EPB41L4B: variants seen among roughly 807,000 people sequenced by gnomAD.
EPB41L4B encodes band 4.1-like protein 4B.
Under a neutral mutation model 112.5 loss-of-function variants are expected in EPB41L4B, and 30 were observed. The observed-to-expected ratio is 0.27, with a 90% CI of 0.20 to 0.36. EPB41L4B has a LOEUF of 0.36. Among genes scored for constraint, EPB41L4B ranks in the 10% least tolerant of loss-of-function variants. The probability of loss-of-function intolerance (pLI) is 1.00; values close to 1 mark genes in which losing one functional copy is unlikely to be tolerated. For missense variants in EPB41L4B, 1,024 were observed against 1,133.3 expected (o/e 0.90, Z 1.38); for synonymous variants, 408 against 439.7 (o/e 0.93, Z 0.90).
At chr9:109,209,820 T>C (rs1564267267) in intron 17 of EPB41L4B, among the ~76,000 whole-genome samples, 3 of 152,098 alleles carry the variant, frequency 2.0e-5, no homozygotes, top group Admixed American at 2.0e-4. Flanking sequence ...CCCCAGTTTA[T>C]AGATACAAAA....
At chr9:109,174,912 G>GTTTTTTT (rs35440007) in intron 25 of EPB41L4B, among the ~76,000 whole-genome samples, 1 of 74,556 alleles carries the variant, frequency 1.3e-5, no homozygotes, top group Non-Finnish European at 2.4e-5. Context: ...TCAGTAAAGT[G>GTTTTTTT]TTTTTTTTTT....
In EPB41L4B at chr9:109,203,706, C is replaced by A. The variant is rs1344996629; in HGVS notation, c.1903G>T (p.Val635Leu). The part of the protein sequence containing the change: ...IQGGKEESPF[V>L]NINKKSSLQD... ...AGACTGGATTTCTTATTGATATTTA[C>A]AAACGGTGATTCCTCCTTTCCACCC... Residue 635 changes from valine to leucine, a missense_variant, in exon 19 of 26, where the codon GTA becomes TTA. Coordinates refer to ENST00000374566, the MANE Select transcript of EPB41L4B (RefSeq NM_019114.5). 1.2e-6 allele frequency: 2 copies of A among 1,613,950 alleles called. No homozygotes were observed. Among genetic ancestry groups the A allele is most frequent in the African/African-American group, 2.7e-5 (2 of 74,922 alleles).
At chr9:109,222,207 G>A (rs1383348432) in intron 15 of EPB41L4B, among the ~76,000 whole-genome samples, 1 of 152,112 alleles carries the variant, frequency 6.6e-6, no homozygotes, top group Non-Finnish European at 1.5e-5. Flanking sequence ...TTGGAGAGAG[G>A]CAGAGAAAGA....
intron 25 of EPB41L4B, 40 bp from the exon 26 acceptor site, chr9:109,174,663 C>A: frequency 1.9e-6 from 3 of 1,572,106 alleles, no homozygotes; most frequent in South Asian, 2.2e-5. Context: ...GACAATCCCT[C>A]AAAAATTGCA....
At chr9:109,307,787 C>T (rs954457655) in intron 1 of EPB41L4B, among the ~76,000 whole-genome samples, 1 of 152,280 alleles carries the variant, frequency 6.6e-6, no homozygotes. Flanking sequence ...AAAGCCCCAG[C>T]TCTCATGTGC....
At chr9:109,222,428 C>T (rs1238023854) in intron 15 of EPB41L4B, among the ~76,000 whole-genome samples, 2 of 152,158 alleles carry the variant, frequency 1.3e-5, no homozygotes, top group Admixed American at 1.3e-4. Flanking sequence ...ATGGATTGTG[C>T]CCTGCGGAAC....
Position 109,184,797 on chromosome 9 carries a change from A to T in EPB41L4B, c.2418+692T>A, listed in dbSNP as rs530963756. ...GCAAAAAGCTATATGTGTTCTCCCA[A>T]ATAATGACAAACTGCGAACAAAGCG... On this transcript the variant is annotated intron_variant, in intron 23 of 25. Transcript: ENST00000374566. Among the ~76,000 whole-genome samples the T allele has an allele frequency of 4.6e-5, 7 of 152,360 alleles. No individual in the cohort carries two copies. In the South Asian group the frequency reaches 1.2e-3, roughly 27 times the overall value.
At chr9:109,268,476 C>G (rs758727074) in intron 2 of EPB41L4B, 43 bp from the exon 3 acceptor site, 8 of 1,561,936 alleles carry the variant, frequency 5.1e-6, no homozygotes, top group Non-Finnish European at 7.0e-6. Context: ...AGTTCATCAG[C>G]AAGGTTATTC....
intron 2 of EPB41L4B, among the ~76,000 whole-genome samples, chr9:109,276,566 T>C (rs1000537693): frequency 6.6e-6 from 1 of 152,148 alleles, no homozygotes; most frequent in Non-Finnish European, 1.5e-5. Flanking sequence ...TGTTTTTGCC[T>C]CAAATTTGTA....
At position 109,268,402 on chromosome 9, in the gene EPB41L4B, T is replaced by G; in HGVS notation, c.443A>C (p.Lys148Thr). Residue 148 changes from lysine to threonine, a missense_variant, in exon 3 of 26, where the codon AAG (lysine) becomes ACG (threonine). Physicochemically the swap from Lys to Thr is moderately conservative, Grantham distance 78. Transcript: ENST00000374566. ...TTCTGCTTACTTACTTTTCATCTGC[T>G]TTTTTATGGGTTTGGCATGATCCAG... ...HWLDHAKPIK[K>T]QMKIGPAYAL... The G allele has an allele frequency of 3.1e-6, 5 of 1,610,796 alleles. No individual in the cohort carries two copies. In the South Asian group the frequency reaches 4.5e-5, roughly 14 times the overall value.
At chr9:109,286,575 T>G (rs1836291051) in intron 1 of EPB41L4B, among the ~76,000 whole-genome samples, 1 of 152,018 alleles carries the variant, frequency 6.6e-6, no homozygotes, top group African/African-American at 2.4e-5. Flanking sequence ...GTTACCCAGG[T>G]CTCCCTCTCT....
chr9:109,285,315 A>G lies in EPB41L4B; in HGVS notation c.307-5394T>C, dbSNP rs140182622. On this transcript the variant is annotated intron_variant, in intron 1 of 25. Transcript: ENST00000374566. ...ATGTTTCTAAAATGGCTCTTAGTGT[A>G]GAAGGGGCTCGAGGTGGAGGTTGGG... Among the ~76,000 whole-genome samples, 439 of 152,318 alleles carry G rather than the reference A, an allele frequency of 2.9e-3. 19 individuals are homozygous for G. The East Asian group carries it at 0.049, about 17-fold the overall frequency.
At chr9:109,210,602 G>A (rs936311353) in intron 17 of EPB41L4B, among the ~76,000 whole-genome samples, 1 of 152,174 alleles carries the variant, frequency 6.6e-6, no homozygotes, top group Admixed American at 6.5e-5. Flanking sequence ...AAGCTGGCTT[G>A]TTCTTGTTCA....
At chr9:109,312,272 T>C (rs1208852303) in intron 1 of EPB41L4B, among the ~76,000 whole-genome samples, 2 of 152,114 alleles carry the variant, frequency 1.3e-5, no homozygotes, top group African/African-American at 4.8e-5. Flanking sequence ...TATGAAAATG[T>C]TTTTCTTTGA....
chr9:109,222,612 A>G (rs760083146), intron 15 of EPB41L4B, among the ~76,000 whole-genome samples: 7 of 152,186 alleles, frequency 4.6e-5, no homozygotes, highest in Non-Finnish European at 8.8e-5. Context: ...ATCACCAGAG[A>G]CTGAGGTTCA....
intron 19 of EPB41L4B, among the ~76,000 whole-genome samples, chr9:109,202,810 C>T (rs1424570796): frequency 6.6e-5 from 10 of 152,216 alleles, no homozygotes; most frequent in East Asian, 5.8e-4. Flanking sequence ...ACTTCACTAC[C>T]GTGCAATCTA....
At chr9:109,301,546 T>C (rs1388936889) in intron 1 of EPB41L4B, among the ~76,000 whole-genome samples, 3 of 152,180 alleles carry the variant, frequency 2.0e-5, no homozygotes, top group African/African-American at 7.2e-5. Context: ...GCAACAGTTA[T>C]TCTCATTTGT....
Position 109,273,399 on chromosome 9 carries a change from A to T in EPB41L4B, c.412-4966T>A, listed in dbSNP as rs192058450. On this transcript the variant is annotated intron_variant, in intron 2 of 25. Transcript: ENST00000374566. The stretch of plus-strand genomic sequence containing the variant: ...GTAGCTGGGGTTACAGGCATGTGCC[A>T]CCACGCCTGGCTAATTTTTATATTT... Among the ~76,000 whole-genome samples, 6 of 152,236 alleles carry T rather than the reference A, an allele frequency of 3.9e-5. No homozygotes were observed. In the East Asian group the frequency reaches 1.2e-3, roughly 29 times the overall value.
In EPB41L4B at chr9:109,176,605, A is replaced by G; in HGVS notation, c.2579T>C (p.Val860Ala). The G allele has an allele frequency of 1.2e-6, 2 of 1,613,922 alleles. No homozygotes were observed. Among genetic ancestry groups the G allele is most frequent in the African/African-American group, 1.3e-5 (1 of 74,980 alleles). Residue 860 changes from valine to alanine, a missense_variant, in exon 25 of 26, where the codon GTC (valine) becomes GCC (alanine). By Grantham distance (64) the Val-to-Ala change is moderately conservative. Transcript: ENST00000374566. Reference sequence around the variant, plus strand: ...GGTGTAAATGGTCTGCACTGTGGAGACGGTCTCTGTCAAAGGCCTCAGGGT... The same window carrying G: ...GGTGTAAATGGTCTGCACTGTGGAGGCGGTCTCTGTCAAAGGCCTCAGGGT... ...AATLRPLTET[V>A]STVQTIYTTR... is the part of the protein sequence containing the mutation.
Sources: gnomAD v4.1 joint callset for allele counts (sites outside exome capture counted in the v4.1 genomes callset) on GRCh38, gnomAD v4.1.1 for gene constraint, MANE v1.5 for transcripts, NCBI Gene and HGNC (gene_info 2026-07-23, HGNC 2026-07-21) for gene names.